The following COL2A1 variants were observed in gnomAD, a reference collection of about 807,000 sequenced individuals.
COL2A1 encodes collagen type II alpha 1 chain.
COL2A1 carries 28 observed loss-of-function variants against 204.5 expected under a neutral mutation model. The ratio of observed to expected loss-of-function variants is 0.14; its 90% CI spans 0.10 to 0.19. COL2A1 has a LOEUF of 0.19. Among genes scored for constraint, COL2A1 ranks in the 10% least tolerant of loss-of-function variants. The pLI, the probability that COL2A1 is intolerant of heterozygous loss-of-function variation, is 1.00. For synonymous variants in COL2A1, 708 were observed against 718.7 expected, an observed-to-expected ratio of 0.99 and a Z score of 0.24; for missense variants, 1,388 against 2,027.5, an observed-to-expected ratio of 0.68 and a Z score of 6.06.
intron 13 of COL2A1, 24 bp from the exon 14 acceptor site, chr12:47,993,886 A>C (rs1939824193): frequency 6.2e-7 from 1 of 1,614,168 alleles, no homozygotes; most frequent in African/African-American, 1.3e-5. Flanking sequence ...GAAAATGTTC[A>C]ATCAGACTTC....
chr12:47,980,029 G>T lies in COL2A1; in HGVS notation c.2659C>A (p.Arg887=). The T allele has an allele frequency of 6.4e-7, 1 of 1,555,434 alleles. No homozygotes were observed. Among genetic ancestry groups the T allele is most frequent in the Non-Finnish European group, 8.7e-7 (1 of 1,149,528 alleles). Residue 887 remains arginine (R), a synonymous_variant, in exon 40 of 54, where the codon CGA becomes AGA. Transcript: ENST00000380518. This position sits in a 1 kb window ranked among gnomAD's most constrained non-coding sequence, Gnocchi z 4.5. ...PTGVTGPKGA[R]GAQGPPGATG... is the part of the protein sequence containing the mutation. ...CTCACCGGGGGGCCTTGGGCACCTC[G>T]GGCTCCTTTAGGACCAGTCACTCCA... is the stretch of plus-strand genomic sequence containing the variant.
chr12:47,998,232 C>A lies in COL2A1; in HGVS notation c.310-31G>T, dbSNP rs113106515. The A allele has an allele frequency of 1.9e-6, 3 of 1,613,864 alleles. No homozygotes were observed. In the African/African-American group the frequency reaches 4.0e-5, roughly 22 times the overall value. On this transcript the variant is annotated intron_variant, in intron 3 of 53. Transcript: ENST00000380518. ...ACATGAAACATTCACAGGATTAAGC[C>A]GAGTAAGCCCACTAAGCCCCTAGTC...
intron 1 of COL2A1, among the ~76,000 whole-genome samples, chr12:48,003,424 A>G (rs898556669): frequency 5.9e-5 from 9 of 152,126 alleles, no homozygotes; most frequent in African/African-American, 2.2e-4. Context: ...GAATGGGGTA[A>G]GACCGCGGGG....
Position 47,976,574 on chromosome 12 carries a change from A to G in COL2A1, c.3436-7T>C, listed in dbSNP as rs2136516972. 1 of 1,614,244 alleles carries G rather than the reference A, an allele frequency of 6.2e-7. No individual in the cohort carries two copies. The highest frequency in any genetic ancestry group is 1.3e-5 in the African/African-American group (1 of 75,064). On this transcript the variant is annotated splice_polypyrimidine_tract_variant and splice_region_variant and intron_variant, in intron 48 of 53. Coordinates refer to ENST00000380518, the MANE Select transcript of COL2A1 (RefSeq NM_001844.5). The surrounding 1 kb of genome is among the most constrained non-coding windows in gnomAD (Gnocchi z 4.3). ...CTTGGTCTCCAGAAGGACCCTGTGT[A>G]GAAGGAAGAGGCAAAAGGCCACGGT...
At position 47,987,271 on chromosome 12, in the gene COL2A1, C is replaced by A; in HGVS notation, c.1264G>T (p.Ala422Ser). The change falls in exon 20 of 54, where the codon GCT (alanine) becomes TCT (serine). Residue 422 changes from alanine to serine, a missense_variant and splice_region_variant. By Grantham distance (99) the Ala-to-Ser change is moderately conservative. Coordinates refer to ENST00000380518, the MANE Select transcript of COL2A1 (RefSeq NM_001844.5). This position sits in a 1 kb window ranked among gnomAD's most constrained non-coding sequence, Gnocchi z 4.1. ...TDGIPGAKGSAGAPGIAGAPG... is the reference protein window; with the variant it reads ...TDGIPGAKGSSGAPGIAGAPG... ...CAAAGTCCACGGGCAACACTCACAGCAGATCCTTTGGCTCCAGGAATTCCA... is the reference window on the plus strand; with the variant it reads ...CAAAGTCCACGGGCAACACTCACAGAAGATCCTTTGGCTCCAGGAATTCCA... The A allele has an allele frequency of 6.2e-7, 1 of 1,614,096 alleles. No individual in the cohort carries two copies. Among genetic ancestry groups the A allele is most frequent in the Non-Finnish European group, 8.5e-7 (1 of 1,180,012 alleles).
intron 14 of COL2A1, 108 bp downstream of exon 14, chr12:47,993,701 G>C: frequency 7.4e-7 from 1 of 1,346,308 alleles, no homozygotes; most frequent in South Asian, 1.2e-5. Flanking sequence ...AGCCAAGGCT[G>C]TTCTGAGGAG....
At chr12:48,001,318 C>G (rs1013439485) in intron 1 of COL2A1, among the ~76,000 whole-genome samples, 2 of 152,260 alleles carry the variant, frequency 1.3e-5, no homozygotes, top group Non-Finnish European at 2.9e-5. Context: ...CAAAGATAAA[C>G]TTTCCTTTTT....
intron 16 of COL2A1, among the ~76,000 whole-genome samples, chr12:47,992,355 T>C (rs764728538): frequency 3.9e-5 from 6 of 152,118 alleles, no homozygotes; most frequent in Admixed American, 6.5e-5. Flanking sequence ...GAACCACCTC[T>C]CAGGATATGG....
chr12:47,982,517 C>T lies in COL2A1; in HGVS notation c.2286G>A (p.Gly762=), dbSNP rs371835359. The change falls in exon 34 of 54, where the codon GGG becomes GGA. Residue 762 remains glycine (G), a synonymous_variant. Transcript: ENST00000380518. The stretch of plus-strand genomic sequence containing the variant: ...CAGTACTTACCCTGTCGCCTTTGGG[C>T]CCAGCGATACCAGCTGCTCCCCTCT... ...PGERGAAGIA[G]PKGDRGDVGE... 1.9e-5 allele frequency: 31 copies of T among 1,613,544 alleles called. 1 individual carries two copies. The highest frequency in any genetic ancestry group is 1.6e-4 in the Middle Eastern group (1 of 6,082).
At chr12:47,993,015 G>T in intron 15 of COL2A1, 84 bp from the exon 16 acceptor site, 1 of 1,302,952 alleles carries the variant, frequency 7.7e-7, no homozygotes, top group Non-Finnish European at 1.1e-6. Flanking sequence ...GCCCTTTGCG[G>T]ATACCAGAGG....
intron 16 of COL2A1, 41 bp from the exon 17 acceptor site, chr12:47,989,846 G>A (rs1939620919): frequency 6.3e-7 from 1 of 1,597,356 alleles, no homozygotes; most frequent in Non-Finnish European, 8.6e-7. Flanking sequence ...GTGCCCACAG[G>A]CCCTGTCCGT....
At chr12:47,975,717 G>A (rs1331289479) in intron 50 of COL2A1, 112 bp from the exon 51 acceptor site, 1 of 1,233,544 alleles carries the variant, frequency 8.1e-7, no homozygotes, top group Non-Finnish European at 1.1e-6. Flanking sequence ...CCATGGGTGG[G>A]GCGGAGGTGT....
At chr12:47,977,270 A>G (rs778581917) in intron 46 of COL2A1, 50 bp downstream of exon 46, 1 of 1,577,336 alleles carries the variant, frequency 6.3e-7, no homozygotes, top group African/African-American at 1.3e-5. Flanking sequence ...GGACTGCCTC[A>G]GCCCCACCGC....
At chr12:47,982,970 G>C in intron 32 of COL2A1, 24 bp from the exon 33 acceptor site, 1 of 1,612,302 alleles carries the variant, frequency 6.2e-7, no homozygotes, top group Admixed American at 1.7e-5. Context: ...ACCAAGAAGT[G>C]ATCAACCAAC....
intron 32 of COL2A1, 71 bp downstream of exon 32, chr12:47,983,022 G>C (rs553785429): frequency 1.2e-6 from 2 of 1,606,992 alleles, no homozygotes; most frequent in Admixed American, 1.7e-5. Context: ...GGGAGGTGGG[G>C]AAAGGAGCAG....
In COL2A1 at chr12:47,987,670, C is replaced by T. The variant is rs755466728; in HGVS notation, c.1162G>A (p.Ala388Thr). 6 of 1,613,276 alleles carry T rather than the reference C, an allele frequency of 3.7e-6. No homozygotes were observed. In the South Asian group the frequency reaches 6.6e-5, roughly 18 times the overall value. Residue 388 changes from alanine (A) to threonine (T), a missense_variant, in exon 19 of 54, where the codon GCT (alanine) becomes ACT (threonine). Physicochemically the swap from Ala to Thr is moderately conservative, Grantham distance 58. Around this residue, in one of 3 missense-constraint regions of COL2A1, gnomAD observed 884 missense variants for 1,415.8 expected, o/e 0.62. Coordinates refer to ENST00000380518, the MANE Select transcript of COL2A1 (RefSeq NM_001844.5). The surrounding 1 kb of genome is among the most constrained non-coding windows in gnomAD (Gnocchi z 4.1). ...GPTGARGPEGAQGPRGEPGTP... is the reference protein window; with the variant it reads ...GPTGARGPEGTQGPRGEPGTP... ...CCAGGTTCACCGCGAGGACCTTGAG[C>T]ACCTTCAGGACCACGGGCACCAGTG...
intron 51 of COL2A1, 140 bp downstream of exon 51, chr12:47,975,177 T>G: frequency 8.7e-7 from 1 of 1,151,748 alleles, no homozygotes; most frequent in Non-Finnish European, 1.2e-6. Flanking sequence ...TTCTCTGCTG[T>G]GAAATAAGAG....
Position 47,976,460 on chromosome 12 carries a change from C to T in COL2A1, c.3489+54G>A, listed in dbSNP as rs899876856. On this transcript the variant is annotated intron_variant, in intron 49 of 53. Coordinates refer to ENST00000380518, the MANE Select transcript of COL2A1 (RefSeq NM_001844.5). This position sits in a 1 kb window ranked among gnomAD's most constrained non-coding sequence, Gnocchi z 4.3. Reference sequence around the variant, plus strand: ...CAGCATTTCCCTCCCCATGGGAACACAGGCCCACACTCTCTGAAGGGCCCC... The same window carrying T: ...CAGCATTTCCCTCCCCATGGGAACATAGGCCCACACTCTCTGAAGGGCCCC... 177 of 1,579,606 alleles carry T rather than the reference C, an allele frequency of 1.1e-4. No individual in the cohort carries two copies. Among genetic ancestry groups the T allele is most frequent in the Non-Finnish European group, 1.5e-4 (174 of 1,148,802 alleles).
intron 14 of COL2A1, 124 bp downstream of exon 14, chr12:47,993,685 G>T: frequency 8.2e-7 from 1 of 1,223,022 alleles, no homozygotes; most frequent in Non-Finnish European, 1.2e-6. Context: ...TAGGGCTGGT[G>T]TTCCCAGCCA....
Sources: allele counts gnomAD v4.1 joint callset (sites outside exome capture counted in the v4.1 genomes callset), GRCh38; gene constraint gnomAD v4.1.1; regional missense constraint gnomAD v4.1.1; non-coding constraint Gnocchi (gnomAD v3.1); transcripts MANE v1.5; gene names NCBI Gene and HGNC (gene_info 2026-07-23, HGNC 2026-07-21).